XCR1: variants seen among roughly 807,000 people sequenced by gnomAD.
XCR1 encodes chemokine XC receptor 1.
For synonymous variants in XCR1, 187 were observed against 188.5 expected (o/e 0.99, Z 0.06); for missense variants, 356 against 424.2 (o/e 0.84, Z 1.41).
At chr3:46,046,890 G>A (rs1204143899) in intron 5 of XCR1, among the ~76,000 whole-genome samples, 2 of 152,186 alleles carry the variant, frequency 1.3e-5, no homozygotes, top group Admixed American at 6.5e-5. Context: ...TGTTGGATGT[G>A]AAAGCTCCCT....
At chr3:46,038,447 T>A (rs888047228) in intron 5 of XCR1, among the ~76,000 whole-genome samples, 1 of 152,254 alleles carries the variant, frequency 6.6e-6, no homozygotes, top group African/African-American at 2.4e-5. Flanking sequence ...TATTCTCTTT[T>A]GGGTTTTACT....
chr3:46,028,559 G>A (rs980221308), upstream of XCR1, among the ~76,000 whole-genome samples: 3 of 148,372 alleles, frequency 2.0e-5, no homozygotes, highest in African/African-American at 5.0e-5. Context: ...AATACCCTTC[G>A]ACACACAAAT....
chr3:46,084,751 A>C (rs116172385), intron 1 of XCR1, among the ~76,000 whole-genome samples: 2,146 of 152,318 alleles, frequency 0.014, 46 homozygotes, highest in African/African-American at 0.049. Context: ...CTGGGCACAC[A>C]AAGACATAAA....
intron 1 of XCR1, among the ~76,000 whole-genome samples, chr3:46,081,850 C>G (rs773464552): frequency 3.3e-5 from 5 of 152,030 alleles, no homozygotes; most frequent in Non-Finnish European, 7.4e-5. Flanking sequence ...CACTTGCCTC[C>G]CTGCCTTCCT....
At chr3:46,064,046 T>A (rs1032518446) in intron 4 of XCR1, among the ~76,000 whole-genome samples, 1 of 152,154 alleles carries the variant, frequency 6.6e-6, no homozygotes, top group Non-Finnish European at 1.5e-5. Flanking sequence ...ATAATTTTTT[T>A]ATTTTTAGTA....
chr3:46,034,730 T>C (rs1258018885), intron 5 of XCR1, among the ~76,000 whole-genome samples: 1 of 152,200 alleles, frequency 6.6e-6, no homozygotes, highest in African/African-American at 2.4e-5. Context: ...TTTCTCATAA[T>C]GAAACTGACC....
upstream of XCR1, among the ~76,000 whole-genome samples, chr3:46,028,229 TG>T (rs1169278000): frequency 6.6e-6 from 1 of 152,028 alleles, no homozygotes; most frequent in Non-Finnish European, 1.5e-5. Context: ...AGCTCACCAG[TG>T]GGGGGAGTAA....
chr3:46,034,141 T>C (rs1697372533), intron 5 of XCR1, among the ~76,000 whole-genome samples: 1 of 151,916 alleles, frequency 6.6e-6, no homozygotes, highest in Admixed American at 6.6e-5. Flanking sequence ...CCCAGCTAAT[T>C]TTTTGTATTT....
At chr3:46,026,128 G>T (rs1559480963) in intron 1 of XCR1, among the ~76,000 whole-genome samples, 1 of 152,092 alleles carries the variant, frequency 6.6e-6, no homozygotes, top group Non-Finnish European at 1.5e-5. Context: ...ACCCTTTGAT[G>T]ATATAAACTC....
rs1575403231 is a variant in XCR1 at position 46,018,469 on chromosome 3, C to G, written c.*2477G>C. ...AACTGTGTTTGAAAGATTAGGCCAACTAGAAGCCCATAGGCTTAGCTCTGA... is the reference window on the plus strand; with the variant it reads ...AACTGTGTTTGAAAGATTAGGCCAAGTAGAAGCCCATAGGCTTAGCTCTGA... On this transcript the variant is annotated 3_prime_UTR_variant, in exon 2 of 2. Coordinates refer to ENST00000309285, the MANE Select transcript of XCR1 (RefSeq NM_001024644.2). The G allele has an allele frequency of 6.8e-6, 1 of 146,422 alleles. No homozygotes were observed. The highest frequency in any genetic ancestry group is 2.1e-4 in the South Asian group (1 of 4,832). 9.1% of individuals were successfully genotyped at this position (146,422 alleles called of 1,614,324 possible).
chr3:46,024,317 A>T (rs1362778652), intron 1 of XCR1, among the ~76,000 whole-genome samples: 1 of 152,148 alleles, frequency 6.6e-6, no homozygotes, highest in Non-Finnish European at 1.5e-5. Flanking sequence ...AGGCATTGCC[A>T]GGACTTGGGA....
Position 46,021,682 on chromosome 3 carries a change from G to C in XCR1, c.266C>G (p.Ser89Cys). 2 of 1,613,672 alleles carry C rather than the reference G, an allele frequency of 1.2e-6. No homozygotes were observed. Among genetic ancestry groups the C allele is most frequent in the Non-Finnish European group, 1.7e-6 (2 of 1,179,910 alleles). ...VFACLLPVWI[S>C]PYHWGWVLGD... The stretch of plus-strand genomic sequence containing the variant: ...CAGCACCCAGCCCCAGTGGTATGGG[G>C]AGATCCACACAGGCAACAAGCAGGC... Residue 89 changes from serine to cysteine, a missense_variant, in exon 2 of 2, where the codon TCC becomes TGC. Coordinates refer to ENST00000309285, the MANE Select transcript of XCR1 (RefSeq NM_001024644.2). The surrounding 1 kb of genome is among the most constrained non-coding windows in gnomAD (Gnocchi z 4.7).
chr3:46,047,910 G>C (rs1464014836), intron 5 of XCR1, among the ~76,000 whole-genome samples: 1 of 152,224 alleles, frequency 6.6e-6, no homozygotes, highest in East Asian at 1.9e-4. Context: ...GGGGTCCATG[G>C]ACGGGGGTAG....
At chr3:46,038,738 A>G (rs1697480471) in intron 5 of XCR1, among the ~76,000 whole-genome samples, 1 of 152,208 alleles carries the variant, frequency 6.6e-6, no homozygotes, top group African/African-American at 2.4e-5. Flanking sequence ...TACAAGTTCT[A>G]AGCAGAAATA....
intron 1 of XCR1, among the ~76,000 whole-genome samples, chr3:46,082,981 A>C (rs1301454000): frequency 6.6e-6 from 1 of 152,234 alleles, no homozygotes; most frequent in East Asian, 1.9e-4. Context: ...ACCAGTGTTC[A>C]TGATAGCACT....
At chr3:46,078,739 A>G (rs1164844506) in intron 1 of XCR1, among the ~76,000 whole-genome samples, 1 of 152,188 alleles carries the variant, frequency 6.6e-6, no homozygotes, top group Admixed American at 6.5e-5. Flanking sequence ...CATGAGAGTG[A>G]GTTCTCTTGC....
intron 5 of XCR1, among the ~76,000 whole-genome samples, chr3:46,052,086 C>T (rs187799395): frequency 6.6e-6 from 1 of 152,262 alleles, no homozygotes; most frequent in East Asian, 1.9e-4. Flanking sequence ...TCAACAACTC[C>T]TGGGACTACA....
chr3:46,082,736 C>G lies in XCR1; in HGVS notation c.-515+3058G>C, dbSNP rs893001835. ...AACTCCTGGCCTTAAGTAATTCTCCCACCTCGGCCTCTCAAAGTGCTGGGA... is the reference window on the plus strand; with the variant it reads ...AACTCCTGGCCTTAAGTAATTCTCCGACCTCGGCCTCTCAAAGTGCTGGGA... On this transcript the variant is annotated intron_variant, in intron 1 of 5. Transcript: ENST00000683768. Among the ~76,000 whole-genome samples the G allele has an allele frequency of 1.3e-5, 2 of 152,048 alleles. 1 individual carries two copies. Among genetic ancestry groups the G allele is most frequent in the African/African-American group, 4.8e-5 (2 of 41,366 alleles).
intron 1 of XCR1, among the ~76,000 whole-genome samples, chr3:46,084,892 C>T (rs1297455013): frequency 6.6e-6 from 1 of 152,160 alleles, no homozygotes; most frequent in Non-Finnish European, 1.5e-5. Flanking sequence ...CAAACCTCAG[C>T]ATCTTGCAAT....
Sources: allele counts gnomAD v4.1 joint callset (sites outside exome capture counted in the v4.1 genomes callset), GRCh38; gene constraint gnomAD v4.1.1; non-coding constraint Gnocchi (gnomAD v3.1); transcripts MANE v1.5; gene names NCBI Gene and HGNC (gene_info 2026-07-23, HGNC 2026-07-21).